THSD7B: variants seen among roughly 807,000 people sequenced by gnomAD.
THSD7B encodes the protein thrombospondin type 1 domain containing 7B, also known as thrombospondin type-1 domain-containing protein 7B.
THSD7B carries 138 observed loss-of-function variants against 213.6 expected under a neutral mutation model. The observed-to-expected ratio is 0.65, with a 90% CI of 0.56 to 0.74. The LOEUF (loss-of-function observed/expected upper bound fraction) is 0.74, where lower values mean the gene tolerates loss of function less well. Ranked by LOEUF, THSD7B falls within the 30% of genes least tolerant of loss-of-function variation. THSD7B has a pLI of 0.00. For synonymous variants in THSD7B, 742 were observed against 687.0 expected (o/e 1.08, Z -1.25); for missense variants, 1,931 against 1,991.5 (o/e 0.97, Z 0.58).
At chr2:137,342,479 C>G (rs1293209853) in intron 12 of THSD7B, among the ~76,000 whole-genome samples, 3 of 151,486 alleles carry the variant, frequency 2.0e-5, no homozygotes, top group African/African-American at 7.3e-5. Context: ...TTACTTCTTT[C>G]TTTCCTATGT....
At position 137,656,871 on chromosome 2, in the gene THSD7B, C is replaced by A. The variant is rs1019742302; in HGVS notation, c.4181C>A (p.Thr1394Asn). 1 of 1,614,040 alleles carries A rather than the reference C, an allele frequency of 6.2e-7. No individual in the cohort carries two copies. Among genetic ancestry groups the A allele is most frequent in the Non-Finnish European group, 8.5e-7 (1 of 1,179,892 alleles). The change falls in exon 23 of 28, where the codon ACT becomes AAT. Residue 1394 changes from threonine (T) to asparagine (N), a missense_variant. By Grantham distance (65) the Thr-to-Asn change is moderately conservative. Transcript: ENST00000409968. ...LTCIDGRSFE[T>N]VGRQSRSRTF... The stretch of plus-strand genomic sequence containing the variant: ...TGCATTGATGGAAGAAGCTTTGAGA[C>A]TGTGGGCCGCCAGTCTAGATCAAGG...
chr2:137,608,441 G>A (rs1437360378), intron 17 of THSD7B, among the ~76,000 whole-genome samples: 1 of 151,678 alleles, frequency 6.6e-6, no homozygotes, highest in African/African-American at 2.4e-5. Flanking sequence ...AACAGTTACT[G>A]AGGAGCAAAT....
chr2:137,628,734 TC>T (rs1682683112), intron 20 of THSD7B, among the ~76,000 whole-genome samples: 1 of 152,150 alleles, frequency 6.6e-6, no homozygotes, highest in African/African-American at 2.4e-5. Context: ...AAGAATAAAG[TC>T]CTGTATTGTG....
At chr2:137,435,555 AG>A (rs1454354171) in intron 14 of THSD7B, among the ~76,000 whole-genome samples, 1 of 152,168 alleles carries the variant, frequency 6.6e-6, no homozygotes, top group Non-Finnish European at 1.5e-5. Flanking sequence ...GTTATCTTGA[AG>A]GTCATTATCA....
At chr2:137,176,301 G>T (rs1041773214) in intron 7 of THSD7B, among the ~76,000 whole-genome samples, 8 of 152,134 alleles carry the variant, frequency 5.3e-5, no homozygotes, top group Admixed American at 5.2e-4. Flanking sequence ...TAAATATGCG[G>T]TTTATTAAGA....
chr2:137,256,076 G>A (rs1017806793), intron 10 of THSD7B, among the ~76,000 whole-genome samples: 6 of 151,704 alleles, frequency 4.0e-5, no homozygotes, highest in Admixed American at 6.6e-5. Context: ...TTTTCTCACA[G>A]CAATTATCAT....
chr2:137,354,853 A>G (rs140768306), intron 12 of THSD7B, among the ~76,000 whole-genome samples: 1,910 of 151,146 alleles, frequency 0.013, 38 homozygotes, highest in Middle Eastern at 0.1. Flanking sequence ...CTAAGTCTTG[A>G]TCATCTAATC....
intron 12 of THSD7B, among the ~76,000 whole-genome samples, chr2:137,307,807 T>C (rs1683792206): frequency 6.6e-6 from 1 of 152,058 alleles, no homozygotes; most frequent in Non-Finnish European, 1.5e-5. Flanking sequence ...TATTTCAGGA[T>C]TTATCTTACT....
chr2:137,352,731 C>T (rs1265802554), intron 12 of THSD7B, among the ~76,000 whole-genome samples: 1 of 151,938 alleles, frequency 6.6e-6, no homozygotes, highest in African/African-American at 2.4e-5. Flanking sequence ...TTAAAGGTAA[C>T]TGATGTAGTG....
chr2:137,546,399 A>ATC (rs1383555515), intron 15 of THSD7B, among the ~76,000 whole-genome samples: 3 of 43,140 alleles, frequency 7.0e-5, no homozygotes, highest in African/African-American at 2.8e-4. Flanking sequence ...TATATATTAT[A>ATC]TATATTATAT....
At chr2:137,588,079 C>T (rs1318401822) in intron 17 of THSD7B, among the ~76,000 whole-genome samples, 1 of 152,204 alleles carries the variant, frequency 6.6e-6, no homozygotes, top group Non-Finnish European at 1.5e-5. Context: ...AGTTTGATCT[C>T]AGACTGCTGT....
At chr2:137,657,943 C>T (rs1683270350) in intron 24 of THSD7B, among the ~76,000 whole-genome samples, 1 of 152,094 alleles carries the variant, frequency 6.6e-6, no homozygotes, top group Non-Finnish European at 1.5e-5. Flanking sequence ...GATCTCTTGA[C>T]CTCATAATCT....
At chr2:137,132,681 C>T (rs559603884) in intron 5 of THSD7B, among the ~76,000 whole-genome samples, 18 of 152,108 alleles carry the variant, frequency 1.2e-4, no homozygotes, top group Non-Finnish European at 2.4e-4. Flanking sequence ...GAAAGGAATT[C>T]GATTGATTGT....
intron 2 of THSD7B, among the ~76,000 whole-genome samples, chr2:136,887,851 G>T (rs1272757298): frequency 6.6e-6 from 1 of 152,102 alleles, no homozygotes; most frequent in East Asian, 1.9e-4. Flanking sequence ...AATCCTGGTT[G>T]TCTAAGGGGA....
chr2:137,575,586 A>AT (rs961994298), intron 17 of THSD7B, among the ~76,000 whole-genome samples: 5 of 152,074 alleles, frequency 3.3e-5, no homozygotes, highest in African/African-American at 1.2e-4. Context: ...TACTGGGACC[A>AT]TTTTTTTAAA....
intron 9 of THSD7B, among the ~76,000 whole-genome samples, chr2:137,241,523 A>G (rs1022211804): frequency 6.6e-6 from 1 of 152,214 alleles, no homozygotes; most frequent in East Asian, 1.9e-4. Context: ...TAAAATCAAT[A>G]TCTTCTTCCT....
Position 137,677,006 on chromosome 2 carries a change from C to T in THSD7B, c.*401C>T, listed in dbSNP as rs140286846. ...TGACGAGTCTGACACTGCATTGTTA[C>T]GCACTATATTAGTGCAAAGTCTTTA... On this transcript the variant is annotated 3_prime_UTR_variant, in exon 28 of 28. Transcript: ENST00000409968. 2.9e-3 allele frequency: 470 copies of T among 161,100 alleles called. 2 individuals are homozygous for T. The highest frequency in any genetic ancestry group is 0.011 in the African/African-American group (445 of 41,738). 10.0% of individuals were successfully genotyped at this position (161,100 alleles called of 1,614,324 possible).
intron 14 of THSD7B, among the ~76,000 whole-genome samples, chr2:137,415,656 A>G (rs906677817): frequency 2.4e-4 from 30 of 123,166 alleles, no homozygotes; most frequent in Admixed American, 4.8e-4. Context: ...CATGTTTCTT[A>G]TATCAGTGTT....
In THSD7B at chr2:136,883,864, T is replaced by C. The variant is rs566093808; in HGVS notation, c.139+1547T>C. 1.4e-4 allele frequency among the ~76,000 whole-genome samples: 22 copies of C among 152,312 alleles called. No homozygotes were observed. In the South Asian group the frequency reaches 4.6e-3, roughly 32 times the overall value. On this transcript the variant is annotated intron_variant, in intron 2 of 27. Coordinates refer to ENST00000409968, the MANE Select transcript of THSD7B (RefSeq NM_001316349.2). ...TTAAAATGAACATATAAGTCACTAC[T>C]GTCACTTCTCCTGGTATTCATTACT...
Sources: gnomAD v4.1 joint callset for allele counts (sites outside exome capture counted in the v4.1 genomes callset) on GRCh38, gnomAD v4.1.1 for gene constraint, MANE v1.5 for transcripts, NCBI Gene and HGNC (gene_info 2026-07-23, HGNC 2026-07-21) for gene names.